Variants in CR2 observed in about 807,000 individuals in gnomAD.
CR2 encodes complement C3d receptor 2, also known as complement receptor type 2.
CR2 carries 96 observed loss-of-function variants against 123.0 expected under a neutral mutation model. The ratio of observed to expected loss-of-function variants is 0.78; its 90% CI spans 0.66 to 0.93. The LOEUF is 0.93. CR2 is among the 40% of genes least tolerant of loss of function. The probability of loss-of-function intolerance (pLI) is 0.00; values close to 1 mark genes in which losing one functional copy is unlikely to be tolerated. For synonymous variants in CR2, 484 were observed against 469.5 expected (o/e 1.03, Z -0.40); for missense variants, 1,258 against 1,361.0 (o/e 0.92, Z 1.19).
rs1224284049 is a variant in CR2 at position 207,485,487 on chromosome 1, A to C, written c.3212A>C (p.Gln1071Pro). ...RARNYYTDTS[Q>P]KEAFHLEARE... ...AGCAATTATTATACAGATACAAGCCAGAAAGAAGCTTTTCATTTAGAAGCA... is the reference window on the plus strand; with the variant it reads ...AGCAATTATTATACAGATACAAGCCCGAAAGAAGCTTTTCATTTAGAAGCA... The change falls in exon 19 of 20, where the codon CAG becomes CCG. Residue 1071 changes from glutamine (Q) to proline (P), a missense_variant. Coordinates refer to ENST00000367057, the MANE Select transcript of CR2 (RefSeq NM_001006658.3). 6.2e-7 allele frequency: 1 copy of C among 1,611,876 alleles called. No individual in the cohort carries two copies. Among genetic ancestry groups the C allele is most frequent in the Non-Finnish European group, 8.5e-7 (1 of 1,178,088 alleles).
In CR2 at chr1:207,471,438, G is replaced by C. The variant is rs1366650915; in HGVS notation, c.1509G>C (p.Gly503=). The change falls in exon 9 of 20, where the codon GGG becomes GGC. Residue 503 remains glycine, a synonymous_variant. Coordinates refer to ENST00000367057, the MANE Select transcript of CR2 (RefSeq NM_001006658.3). ...SSCGEGYKLS[G]SVYQECQGTI... is the part of the protein sequence containing the mutation. The stretch of plus-strand genomic sequence containing the variant: ...CTGTCTCTAGGTACAAGTTAAGTGG[G>C]AGTGTTTATCAGGAGTGTCAAGGCA... 6.2e-7 allele frequency: 1 copy of C among 1,612,602 alleles called. No homozygotes were observed. Among genetic ancestry groups the C allele is most frequent in the Non-Finnish European group, 8.5e-7 (1 of 1,178,858 alleles).
chr1:207,479,980 A>G lies in CR2; in HGVS notation c.3115A>G (p.Ile1039Val). ...SRSLAPVLCG[I>V]AAGLILLTFL... is the part of the protein sequence containing the mutation. ...TACTTGCTGGATTTTTCTTCTAGGTATTGCTGCAGGTTTGATACTTCTTAC... is the reference window on the plus strand; with the variant it reads ...TACTTGCTGGATTTTTCTTCTAGGTGTTGCTGCAGGTTTGATACTTCTTAC... The change falls in exon 18 of 20, where the codon ATT (isoleucine) becomes GTT (valine). Residue 1039 changes from isoleucine (I) to valine (V), a missense_variant and splice_region_variant. Ile to Val is a conservative substitution (Grantham distance 29). Transcript: ENST00000367057. 1 of 1,610,802 alleles carries G rather than the reference A, an allele frequency of 6.2e-7. No homozygotes were observed. The highest frequency in any genetic ancestry group is 8.5e-7 in the Non-Finnish European group (1 of 1,177,172).
chr1:207,474,258 A>G lies in CR2; in HGVS notation c.2258A>G (p.His753Arg), dbSNP rs113241387. Residue 753 changes from histidine (H) to arginine (R), a missense_variant, in exon 13 of 20, where the codon CAT becomes CGT. By Grantham distance (29) the His-to-Arg change is conservative. Transcript: ENST00000367057. ...SCQDGYQLTG[H>R]AYQMCQDAEN... is the part of the protein sequence containing the mutation. ...CTCTGTAGGTACCAGTTGACTGGAC[A>G]TGCTTATCAGATGTGTCAAGATGCT... 6.2e-7 allele frequency: 1 copy of G among 1,613,226 alleles called. No homozygotes were observed. Among genetic ancestry groups the G allele is most frequent in the Non-Finnish European group, 8.5e-7 (1 of 1,179,216 alleles).
At chr1:207,485,436 TTA>T in intron 18 of CR2, 26 bp from the exon 19 acceptor site, 3 of 1,387,904 alleles carry the variant, frequency 2.2e-6, no homozygotes, top group Non-Finnish European at 3.1e-6. Flanking sequence ...AGTAAAGATA[TTA>T]CATTTTTCTT....
rs868255776 is a variant in CR2, at chr1:207,468,669, CTGTT to C, written c.592_595del (p.Ser199ArgfsTer19). The C allele has an allele frequency of 6.2e-7, 1 of 1,613,996 alleles. No homozygotes were observed. Among genetic ancestry groups the C allele is most frequent in the African/African-American group, 1.3e-5 (1 of 74,916 alleles). On this transcript the variant is annotated frameshift_variant, in exon 3 of 20. Coordinates refer to ENST00000367057, the MANE Select transcript of CR2 (RefSeq NM_001006658.3). LOFTEE classifies it high-confidence loss of function. Reference sequence around the variant, plus strand: ...TGCTTGTTGGAGAAAAGATCATTAACTGTTTGTCTTCGGGAAAATGGAGTGCTGT... The same window carrying C: ...TGCTTGTTGGAGAAAAGATCATTAACTGTCTTCGGGAAAATGGAGTGCTGT...
intron 14 of CR2, among the ~76,000 whole-genome samples, chr1:207,475,749 C>T (rs567312816): frequency 6.6e-6 from 1 of 152,252 alleles, no homozygotes; most frequent in Non-Finnish European, 1.5e-5. Context: ...TAAGTGAAAC[C>T]CATCTTCAGT....
chr1:207,469,716 C>A lies in CR2; in HGVS notation c.839C>A (p.Pro280His). Reference protein sequence around the residue: ...VCEEIFCPSPPPILNGRHIGN... With the variant: ...VCEEIFCPSPHPILNGRHIGN... ...CTAGAAATTTTTTGCCCATCACCTCCCCCTATTCTCAATGGAAGACATATA... is the reference window on the plus strand; with the variant it reads ...CTAGAAATTTTTTGCCCATCACCTCACCCTATTCTCAATGGAAGACATATA... The change falls in exon 6 of 20, where the codon CCC becomes CAC. Residue 280 changes from proline (P) to histidine (H), a missense_variant. Pro to His is a moderately conservative substitution (Grantham distance 77, BLOSUM62 -2). Transcript: ENST00000367057. 1 of 1,613,862 alleles carries A rather than the reference C, an allele frequency of 6.2e-7. No individual in the cohort carries two copies. The highest frequency in any genetic ancestry group is 8.5e-7 in the Non-Finnish European group (1 of 1,179,856).
At chr1:207,465,394 G>C (rs1658068215) in intron 1 of CR2, among the ~76,000 whole-genome samples, 1 of 114,942 alleles carries the variant, frequency 8.7e-6, no homozygotes, top group African/African-American at 3.0e-5. Context: ...TCAATGATTA[G>C]AGATTTTTTC....
intron 2 of CR2, among the ~76,000 whole-genome samples, chr1:207,468,101 G>A (rs1658155110): frequency 6.6e-6 from 1 of 152,080 alleles, no homozygotes. Flanking sequence ...TACTATTTAT[G>A]GCTATTTGTG....
chr1:207,470,850 G>T lies in CR2; in HGVS notation c.1336G>T (p.Val446Leu). Residue 446 changes from valine to leucine, a missense_variant, in exon 7 of 20, where the codon GTG (valine) becomes TTG (leucine). Coordinates refer to ENST00000367057, the MANE Select transcript of CR2 (RefSeq NM_001006658.3). The stretch of plus-strand genomic sequence containing the variant: ...TAGCTGTAACCCTGGCTATGTGCTG[G>T]TGGGAGAAGAATCCATACAGTGTAC... ...KYSCNPGYVL[V>L]GEESIQCTSE... is the part of the protein sequence containing the mutation. 1 of 1,613,914 alleles carries T rather than the reference G, an allele frequency of 6.2e-7. No individual in the cohort carries two copies. Among genetic ancestry groups the T allele is most frequent in the Non-Finnish European group, 8.5e-7 (1 of 1,179,902 alleles).
intron 2 of CR2, among the ~76,000 whole-genome samples, chr1:207,467,374 G>A (rs1658132482): frequency 6.6e-6 from 1 of 152,060 alleles, no homozygotes; most frequent in African/African-American, 2.4e-5. Flanking sequence ...CTGTAAACAT[G>A]TTTTGAAGTT....
At chr1:207,482,787 G>A (rs1658640640) in intron 18 of CR2, among the ~76,000 whole-genome samples, 1 of 152,122 alleles carries the variant, frequency 6.6e-6, no homozygotes, top group East Asian at 1.9e-4. Flanking sequence ...TAGACAAGAA[G>A]AGAAAGGCAT....
intron 1 of CR2, among the ~76,000 whole-genome samples, chr1:207,459,406 G>T (rs1180709695): frequency 1.3e-5 from 2 of 151,798 alleles, no homozygotes; most frequent in Admixed American, 6.6e-5. Context: ...CAAATAGGCA[G>T]GAAACCCAGT....
chr1:207,472,701 A>G (rs779371759), intron 9 of CR2, 71 bp from the exon 10 acceptor site: 60 of 1,506,476 alleles, frequency 4.0e-5, no homozygotes, highest in Non-Finnish European at 5.4e-5. Context: ...AACCAGCTTC[A>G]TTTGGTGGTT....
In CR2 at chr1:207,474,808, T is replaced by G; in HGVS notation, c.2324-16T>G. The G allele has an allele frequency of 1.9e-6, 3 of 1,613,904 alleles. No individual in the cohort carries two copies. Among genetic ancestry groups the G allele is most frequent in the Non-Finnish European group, 2.5e-6 (3 of 1,179,836 alleles). ...AGGTACTAGCTGAAGTAGAACTCCCTAAATCTCTTCTGCAGTTATTCACTG... is the reference window on the plus strand; with the variant it reads ...AGGTACTAGCTGAAGTAGAACTCCCGAAATCTCTTCTGCAGTTATTCACTG... On this transcript the variant is annotated splice_polypyrimidine_tract_variant and intron_variant, in intron 13 of 19. Coordinates refer to ENST00000367057, the MANE Select transcript of CR2 (RefSeq NM_001006658.3).
Position 207,474,871 on chromosome 1 carries a change from G to T in CR2, c.2371G>T (p.Gly791Cys), listed in dbSNP as rs1363607125. ...AGTGATTGTCAATGGGAAGCACACA[G>T]GCATGATGGCAGAAAACTTTCTATA... is the stretch of plus-strand genomic sequence containing the variant. ...PPVIVNGKHT[G>C]MMAENFLYGN... The change falls in exon 14 of 20, where the codon GGC becomes TGC. Residue 791 changes from glycine to cysteine, a missense_variant. Gly to Cys is a radical substitution (Grantham distance 159). Transcript: ENST00000367057. 1 of 1,613,910 alleles carries T rather than the reference G, an allele frequency of 6.2e-7. No homozygotes were observed. Among genetic ancestry groups the T allele is most frequent in the African/African-American group, 1.3e-5 (1 of 74,888 alleles).
Position 207,485,565 on chromosome 1 carries a change from A to C in CR2, c.*11A>C. ...AACCCAGCCAGCTGATCAGAAGACA[A>C]ACTGGTGGTATGTAATGAAATGGAA... On this transcript the variant is annotated 3_prime_UTR_variant, in exon 19 of 20. Transcript: ENST00000367057. The C allele has an allele frequency of 1.3e-6, 2 of 1,541,380 alleles. No individual in the cohort carries two copies. The highest frequency in any genetic ancestry group is 1.8e-6 in the Non-Finnish European group (2 of 1,113,726).
At chr1:207,478,111 C>A in intron 16 of CR2, 41 bp downstream of exon 16, 2 of 1,592,424 alleles carry the variant, frequency 1.3e-6, no homozygotes, top group Non-Finnish European at 1.7e-6. Context: ...AACTGGCTAA[C>A]GGAGAGAAGA....
chr1:207,468,866 T>C lies in CR2; in HGVS notation c.701T>C (p.Val234Ala). ...GTAAAGGAGCCTCCAATTCTCCGGG[T>C]TGGTGTAACTGCAAACTTTTTCTGT... is the stretch of plus-strand genomic sequence containing the variant. ...GKVKEPPILR[V>A]GVTANFFCDE... is the part of the protein sequence containing the mutation. Residue 234 changes from valine (V) to alanine (A), a missense_variant, in exon 4 of 20, where the codon GTT becomes GCT. Val to Ala is a moderately conservative substitution (Grantham distance 64). Transcript: ENST00000367057. The C allele has an allele frequency of 6.2e-7, 1 of 1,613,960 alleles. No homozygotes were observed. Among genetic ancestry groups the C allele is most frequent in the Non-Finnish European group, 8.5e-7 (1 of 1,179,924 alleles).
Sources: gnomAD v4.1 joint callset for allele counts (sites outside exome capture counted in the v4.1 genomes callset) on GRCh38, gnomAD v4.1.1 for gene constraint, MANE v1.5 for transcripts, NCBI Gene and HGNC (gene_info 2026-07-23, HGNC 2026-07-21) for gene names.